The following SMAD7 variants were observed in gnomAD, a reference collection of about 807,000 sequenced individuals.
SMAD7 encodes SMAD family member 7.
A neutral mutation model predicts 38.7 loss-of-function variants in SMAD7; 8 were observed. That is an observed-to-expected ratio of 0.21 (90% CI 0.12 to 0.37). The LOEUF (loss-of-function observed/expected upper bound fraction) is 0.37. Ranked by LOEUF, SMAD7 falls within the 10% of genes least tolerant of loss-of-function variation. SMAD7 has a pLI of 1.00. For missense variants in SMAD7, 477 were observed against 577.9 expected, an observed-to-expected ratio of 0.83 and a Z score of 1.79; for synonymous variants, 327 against 265.1, an observed-to-expected ratio of 1.23 and a Z score of -2.27.
intron 3 of SMAD7, among the ~76,000 whole-genome samples, chr18:48,925,280 T>C (rs148044534): frequency 0.018 from 2,678 of 152,358 alleles, 33 homozygotes; most frequent in Non-Finnish European, 0.027. Flanking sequence ...ACAGTATGTG[T>C]TCATTTTAAA....
intron 3 of SMAD7, among the ~76,000 whole-genome samples, chr18:48,942,045 G>A (rs1456619584): frequency 4.6e-5 from 7 of 152,192 alleles, no homozygotes; most frequent in Admixed American, 6.5e-5. Flanking sequence ...AAATCCCATC[G>A]TATGCTTGGG....
chr18:48,946,579 G>C (rs1431869439), intron 2 of SMAD7, among the ~76,000 whole-genome samples: 1 of 152,162 alleles, frequency 6.6e-6, no homozygotes, highest in Non-Finnish European at 1.5e-5. Flanking sequence ...TCAACAAAAC[G>C]TTTTGGGTGA....
intron 2 of SMAD7, among the ~76,000 whole-genome samples, chr18:48,945,607 C>T (rs1214489583): frequency 6.6e-6 from 1 of 152,056 alleles, no homozygotes. Flanking sequence ...TAAAAGAGGC[C>T]TAGAAAAGTT....
rs911798504 is a variant in SMAD7 at position 48,935,729 on chromosome 18, C to T, written c.742+6752G>A. 3.9e-5 allele frequency among the ~76,000 whole-genome samples: 6 copies of T among 152,050 alleles called. No individual in the cohort carries two copies. The East Asian group carries it at 9.6e-4, about 24-fold the overall frequency. The stretch of plus-strand genomic sequence containing the variant: ...TCCTGTCTCTCATTTCTGGAACCCA[C>T]GAAGAAAAAAGGAAGGTCGAAGGAT... On this transcript the variant is annotated intron_variant, in intron 3 of 3. Coordinates refer to ENST00000262158, the MANE Select transcript of SMAD7 (RefSeq NM_005904.4).
chr18:48,924,610 A>G (rs188036799), intron 3 of SMAD7, among the ~76,000 whole-genome samples: 1 of 152,312 alleles, frequency 6.6e-6, no homozygotes, highest in Non-Finnish European at 1.5e-5. Context: ...ACTGCAATGC[A>G]TGGATGTCGT....
At chr18:48,929,696 G>A (rs2069973239) in intron 3 of SMAD7, among the ~76,000 whole-genome samples, 1 of 151,904 alleles carries the variant, frequency 6.6e-6, no homozygotes, top group Non-Finnish European at 1.5e-5. Context: ...GTTTTTCCCT[G>A]GTTTTGCAGG....
Position 48,921,362 on chromosome 18 carries a change from C to T in SMAD7, c.*10G>A. The T allele has an allele frequency of 6.2e-7, 1 of 1,605,312 alleles. No homozygotes were observed. Among genetic ancestry groups the T allele is most frequent in the South Asian group, 1.1e-5 (1 of 90,542 alleles). ...CTGCTCAGCTCACGCTCTGTCCCCT[C>T]CGCACGCGGCTACCGGCTGTTGAAG... On this transcript the variant is annotated 3_prime_UTR_variant, in exon 4 of 4. Coordinates refer to ENST00000262158, the MANE Select transcript of SMAD7 (RefSeq NM_005904.4). The surrounding 1 kb of genome is among the most constrained non-coding windows in gnomAD (Gnocchi z 6.4).
At chr18:48,926,215 G>A (rs1199680742) in intron 3 of SMAD7, among the ~76,000 whole-genome samples, 2 of 152,200 alleles carry the variant, frequency 1.3e-5, no homozygotes, top group Admixed American at 1.3e-4. Flanking sequence ...GAGAACACGG[G>A]CACGCGTGGA....
chr18:48,940,449 G>GC (rs2070124206), intron 3 of SMAD7, among the ~76,000 whole-genome samples: 1 of 152,058 alleles, frequency 6.6e-6, no homozygotes, highest in Non-Finnish European at 1.5e-5. Flanking sequence ...AGAGCTTTGG[G>GC]GAAAAAAAGC....
chr18:48,946,918 C>T (rs918790442), intron 2 of SMAD7, among the ~76,000 whole-genome samples: 2 of 152,066 alleles, frequency 1.3e-5, no homozygotes, highest in African/African-American at 4.8e-5. Flanking sequence ...GGTCTTTATC[C>T]CTGGGGCTAA....
At chr18:48,928,640 C>T (rs2069956799) in intron 3 of SMAD7, among the ~76,000 whole-genome samples, 2 of 152,212 alleles carry the variant, frequency 1.3e-5, no homozygotes, top group South Asian at 4.1e-4. Flanking sequence ...CCCAAGCCTA[C>T]ATATTTCGCA....
intron 3 of SMAD7, among the ~76,000 whole-genome samples, chr18:48,934,453 C>CA (rs11438500): frequency 0.56 from 83,145 of 147,364 alleles, 25,082 homozygotes; most frequent in African/African-American, 0.81. Context: ...TACCCCCCAT[C>CA]AAAAAAAAAA....
chr18:48,920,291 G>A lies in SMAD7; in HGVS notation c.*1081C>T, dbSNP rs1250749416. ...TGCTCATTGAGCTAAGAACAGTGTC[G>A]AAGTATCATACGAGTGTATGAGTTG... On this transcript the variant is annotated 3_prime_UTR_variant, in exon 4 of 4. Coordinates refer to ENST00000262158, the MANE Select transcript of SMAD7 (RefSeq NM_005904.4). 6.6e-6 allele frequency: 1 copy of A among 152,586 alleles called. No individual in the cohort carries two copies. Among genetic ancestry groups the A allele is most frequent in the Admixed American group, 6.5e-5 (1 of 15,268 alleles). 9.5% of individuals were successfully genotyped at this position (152,586 alleles called of 1,614,324 possible).
At chr18:48,938,944 T>A (rs1181347143) in intron 3 of SMAD7, among the ~76,000 whole-genome samples, 1 of 151,736 alleles carries the variant, frequency 6.6e-6, no homozygotes, top group Non-Finnish European at 1.5e-5. Flanking sequence ...TCCCAGAGAG[T>A]CAGGCACAGA....
At chr18:48,938,210 A>G (rs2070093743) in intron 3 of SMAD7, among the ~76,000 whole-genome samples, 1 of 152,240 alleles carries the variant, frequency 6.6e-6, no homozygotes, top group Non-Finnish European at 1.5e-5. Flanking sequence ...GATGCCAGCA[A>G]GGATCAAAGA....
At chr18:48,927,351 G>A (rs755827062) in intron 3 of SMAD7, among the ~76,000 whole-genome samples, 2 of 151,672 alleles carry the variant, frequency 1.3e-5, no homozygotes, top group Non-Finnish European at 2.9e-5. Flanking sequence ...CCAGTGAAGT[G>A]AGATGGCTGG....
intron 3 of SMAD7, among the ~76,000 whole-genome samples, chr18:48,940,532 T>C (rs78186005): frequency 6.6e-6 from 1 of 151,604 alleles, no homozygotes; most frequent in East Asian, 2.0e-4. Context: ...GGGTGGATCA[T>C]CCGAGGTCAG....
intron 3 of SMAD7, among the ~76,000 whole-genome samples, chr18:48,934,532 C>T (rs914214729): frequency 3.3e-5 from 5 of 152,064 alleles, no homozygotes; most frequent in South Asian, 4.2e-4. Context: ...TTGAGGACTC[C>T]CCAGCCAAAC....
intron 3 of SMAD7, among the ~76,000 whole-genome samples, chr18:48,926,395 G>A (rs968453437): frequency 1.3e-5 from 2 of 152,206 alleles, no homozygotes; most frequent in African/African-American, 4.8e-5. Flanking sequence ...CAATTGCTAG[G>A]GTACCGGGAG....
Sources: allele counts gnomAD v4.1 joint callset (sites outside exome capture counted in the v4.1 genomes callset), GRCh38; gene constraint gnomAD v4.1.1; non-coding constraint Gnocchi (gnomAD v3.1); transcripts MANE v1.5; gene names NCBI Gene and HGNC (gene_info 2026-07-23, HGNC 2026-07-21).